VGLL3: variants seen among roughly 807,000 people sequenced by gnomAD.
VGLL3 encodes the protein vestigial like family member 3, also known as transcription cofactor vestigial-like protein 3.
A neutral mutation model predicts 29.2 loss-of-function variants in VGLL3; 18 were observed. The observed-to-expected ratio is 0.62, with a 90% CI of 0.43 to 0.91. The LOEUF is 0.91. Among genes scored for constraint, VGLL3 ranks in the 40% least tolerant of loss-of-function variants. VGLL3 has a pLI of 0.00. For missense variants in VGLL3, 440 were observed against 413.2 expected (o/e 1.06, Z -0.56); for synonymous variants, 180 against 151.8 (o/e 1.19, Z -1.36).
intron 1 of VGLL3, 21 bp downstream of exon 1, chr3:86,990,597 G>T: frequency 7.5e-7 from 1 of 1,332,994 alleles, no homozygotes; most frequent in Non-Finnish European, 9.7e-7. Flanking sequence ...CCCCCAGCAG[G>T]CTGCCCGTCC....
chr3:86,988,703 A>ATTTT (rs1441160530), intron 1 of VGLL3, among the ~76,000 whole-genome samples: 5 of 138,006 alleles, frequency 3.6e-5, no homozygotes, highest in African/African-American at 1.3e-4. Context: ...AAGAAGGAGA[A>ATTTT]GAAAAAGAAG....
intron 3 of VGLL3, among the ~76,000 whole-genome samples, chr3:86,947,470 C>T (rs529052597): frequency 6.0e-4 from 91 of 152,224 alleles, no homozygotes; most frequent in African/African-American, 2.1e-3. Context: ...CTTTCAGTAA[C>T]AATCAAAATT....
intron 3 of VGLL3, among the ~76,000 whole-genome samples, chr3:86,959,033 G>T (rs565056495): frequency 3.9e-5 from 6 of 152,222 alleles, no homozygotes; most frequent in Middle Eastern, 3.4e-3. Context: ...TCCAGAAAAA[G>T]TATTTCCATT....
At position 86,987,727 on chromosome 3, in the gene VGLL3, G is replaced by A. The variant is rs183607419; in HGVS notation, c.126+2891C>T. On this transcript the variant is annotated intron_variant, in intron 1 of 3. Transcript: ENST00000398399. ...TAATTAATGTCAGGGACAATAAAAT[G>A]TATACTTTGCACATATTTTAGCTTA... is the stretch of plus-strand genomic sequence containing the variant. Among the ~76,000 whole-genome samples the A allele has an allele frequency of 2.5e-3, 373 of 152,242 alleles. 2 individuals carry two copies. The highest frequency in any genetic ancestry group is 8.7e-3 in the African/African-American group (361 of 41,554).
At chr3:86,951,012 A>G (rs1035150758) in intron 3 of VGLL3, among the ~76,000 whole-genome samples, 1 of 152,188 alleles carries the variant, frequency 6.6e-6, no homozygotes, top group African/African-American at 2.4e-5. Flanking sequence ...TGCCAACACC[A>G]CTACTGCCTG....
chr3:86,985,957 T>A (rs1705431959), intron 1 of VGLL3, among the ~76,000 whole-genome samples: 1 of 152,044 alleles, frequency 6.6e-6, no homozygotes, highest in African/African-American at 2.4e-5. Context: ...GCCTTAGGCA[T>A]CATAAGCATA....
At position 86,941,506 on chromosome 3, in the gene VGLL3, G is replaced by A. The variant is rs925137331; in HGVS notation, c.*5518C>T. ...ACTTATCCTTTTCTAAAAGGTGTCT[G>A]TTTGCTTATACAATGGAATTGGTAA... On this transcript the variant is annotated 3_prime_UTR_variant, in exon 4 of 4. Transcript: ENST00000398399. The A allele has an allele frequency of 2.6e-5, 4 of 151,380 alleles. No individual in the cohort carries two copies. The highest frequency in any genetic ancestry group is 2.0e-4 in the Admixed American group (3 of 15,166). 9.4% of individuals were successfully genotyped at this position (151,380 alleles called of 1,614,324 possible).
At position 86,982,185 on chromosome 3, in the gene VGLL3, C is replaced by G. The variant is rs535204340; in HGVS notation, c.127-3383G>C. On this transcript the variant is annotated intron_variant, in intron 1 of 3. Transcript: ENST00000398399. ...TTGAGATGGACTTTTGCTCTTGTTGCCCAGGCTGGAGTGCAATGGTGTGAT... is the reference window on the plus strand; with the variant it reads ...TTGAGATGGACTTTTGCTCTTGTTGGCCAGGCTGGAGTGCAATGGTGTGAT... Among the ~76,000 whole-genome samples, 199 of 152,138 alleles carry G rather than the reference C, an allele frequency of 1.3e-3. No homozygotes were observed. In the South Asian group the frequency reaches 0.015, roughly 12 times the overall value.
chr3:86,976,554 A>G (rs1705214875), intron 2 of VGLL3, among the ~76,000 whole-genome samples: 1 of 152,242 alleles, frequency 6.6e-6, no homozygotes, highest in African/African-American at 2.4e-5. Flanking sequence ...TAGTTCCAAG[A>G]AAACTTTAGT....
At chr3:86,953,616 T>C (rs1243420016) in intron 3 of VGLL3, among the ~76,000 whole-genome samples, 1 of 152,210 alleles carries the variant, frequency 6.6e-6, no homozygotes, top group African/African-American at 2.4e-5. Context: ...TTATGATCAA[T>C]ATTATAGATT....
Position 86,962,165 on chromosome 3 carries a change from A to G in VGLL3, c.937+6425T>C, listed in dbSNP as rs1299924475. On this transcript the variant is annotated intron_variant, in intron 3 of 3. Coordinates refer to ENST00000398399, the MANE Select transcript of VGLL3 (RefSeq NM_016206.4). ...TGATAACAGCCTCTTGGTAAAGATG[A>G]GCATTTTTCACGTGGAGGGCAAATA... 4 of 985,310 alleles carry G rather than the reference A, an allele frequency of 4.1e-6. No homozygotes were observed. The African/African-American group carries it at 7.0e-5, about 17-fold the overall frequency. The allele number at this position is 985,310 out of a possible 1,614,324, so 61.0% of individuals were successfully genotyped here.
chr3:86,946,484 T>C lies in VGLL3; in HGVS notation c.*540A>G, dbSNP rs1056373030. 2.6e-5 allele frequency: 4 copies of C among 152,308 alleles called. No homozygotes were observed. The highest frequency in any genetic ancestry group is 6.5e-5 in the Admixed American group (1 of 15,288). 9.4% of individuals were successfully genotyped at this position (152,308 alleles called of 1,614,324 possible). A position where few individuals can be genotyped will look rare whatever the true frequency, so the allele number is the denominator to read the frequency against. ...GAGCATATAATAGACATCTTAGAGA[T>C]AAGCATTTTAAACATTTTTGCCAGT... On this transcript the variant is annotated 3_prime_UTR_variant, in exon 4 of 4. Transcript: ENST00000398399.
chr3:86,978,469 C>T (rs1705253462), intron 2 of VGLL3, 57 bp downstream of exon 2: 1 of 1,573,998 alleles, frequency 6.4e-7, no homozygotes, highest in Admixed American at 1.8e-5. Flanking sequence ...GAACCTGGTA[C>T]AGGCAGTTGC....
chr3:86,973,589 G>T (rs961617439), intron 2 of VGLL3, among the ~76,000 whole-genome samples: 1 of 152,152 alleles, frequency 6.6e-6, no homozygotes, highest in African/African-American at 2.4e-5. Flanking sequence ...GAGTTTCAAG[G>T]GATGATGTCA....
At chr3:86,954,110 C>A (rs1378119923) in intron 3 of VGLL3, among the ~76,000 whole-genome samples, 3 of 152,180 alleles carry the variant, frequency 2.0e-5, no homozygotes, top group African/African-American at 4.8e-5. Flanking sequence ...TTAGAATTCA[C>A]TTAAAATCTC....
At chr3:86,990,349 A>G in intron 1 of VGLL3, 1 of 985,396 alleles carries the variant, frequency 1.0e-6, no homozygotes, top group Non-Finnish European at 1.2e-6. Context: ...CTGAGTCCTA[A>G]GAGCTAGGGT....
chr3:86,961,730 C>A (rs779623680), intron 3 of VGLL3, among the ~76,000 whole-genome samples: 1 of 152,194 alleles, frequency 6.6e-6, no homozygotes, highest in African/African-American at 2.4e-5. Flanking sequence ...CTGGCCCCAA[C>A]TACCCTTGTT....
Position 86,943,243 on chromosome 3 carries a change from C to A in VGLL3, c.*3781G>T, listed in dbSNP as rs1476246804. 1 of 152,184 alleles carries A rather than the reference C, an allele frequency of 6.6e-6. No homozygotes were observed. Among genetic ancestry groups the A allele is most frequent in the Non-Finnish European group, 1.5e-5 (1 of 68,016 alleles). The allele number at this position is 152,184 out of a possible 1,614,324, so 9.4% of individuals were successfully genotyped here. ...CATATATACTTTCCTTTTTCCACCA[C>A]TTAACGCCACTGCCCCCATCGGCTT... On this transcript the variant is annotated 3_prime_UTR_variant, in exon 4 of 4. Transcript: ENST00000398399.
chr3:86,947,180 C>T (rs1704526310), intron 3 of VGLL3, 113 bp from the exon 4 acceptor site: 7 of 704,102 alleles, frequency 9.9e-6, no homozygotes, highest in Admixed American at 5.9e-5. Context: ...ATCCAGGCAA[C>T]TGTGAGTTCT....
Sources: gnomAD v4.1 joint callset for allele counts (sites outside exome capture counted in the v4.1 genomes callset) on GRCh38, gnomAD v4.1.1 for gene constraint, MANE v1.5 for transcripts, NCBI Gene and HGNC (gene_info 2026-07-23, HGNC 2026-07-21) for gene names.